SLC9A7: variants seen among roughly 807,000 people sequenced by gnomAD.
SLC9A7 encodes the protein solute carrier family 9 member A7.
A neutral mutation model predicts 52.6 loss-of-function variants in SLC9A7; 19 were observed. The ratio of observed to expected loss-of-function variants is 0.36; its 90% CI spans 0.25 to 0.53. SLC9A7 has a LOEUF of 0.53. Ranked by LOEUF, SLC9A7 falls within the 20% of genes least tolerant of loss-of-function variation. The pLI, the probability that SLC9A7 is intolerant of heterozygous loss-of-function variation, is 0.91. For synonymous variants in SLC9A7, 226 were observed against 252.1 expected (o/e 0.90, Z 0.98); for missense variants, 455 against 597.9 (o/e 0.76, Z 2.49).
rs981900543 is a variant in SLC9A7 at position 46,620,937 on chromosome X, A to C, written c.1823+40T>G. On this transcript the variant is annotated intron_variant, in intron 15 of 16. Transcript: ENST00000616978. ...GACAATTCAACAAGATTTCATCCCC[A>C]ATGTTTCACCGACACAGGGGATGCT... is the stretch of plus-strand genomic sequence containing the variant. 3.0e-6 allele frequency: 3 copies of C among 984,649 alleles called. No individual in the cohort carries two copies. In the Admixed American group the frequency reaches 7.2e-5, roughly 24 times the overall value. The allele number at this position is 984,649 out of a possible 1,213,427, so 81.1% of individuals were successfully genotyped here.
intron 1 of SLC9A7, among the ~76,000 whole-genome samples, chrX:46,720,498 C>G (rs1186499001): frequency 1.8e-5 from 2 of 110,506 alleles, no homozygotes; most frequent in Non-Finnish European, 3.8e-5. Flanking sequence ...AGCCACCAGA[C>G]TAATTTCTCT....
Position 46,651,303 on chromosome X carries a change from G to A in SLC9A7, c.1236+13C>T. The A allele has an allele frequency of 4.2e-6, 5 of 1,202,182 alleles. No individual in the cohort carries two copies. Among genetic ancestry groups the A allele is most frequent in the Non-Finnish European group, 5.6e-6 (5 of 887,543 alleles). ...TTAACAAGCAACTCGTGAGTACCAA[G>A]CCTCTCTCTCACCTGCTTGGTTCGA... On this transcript the variant is annotated intron_variant, in intron 9 of 16. Transcript: ENST00000616978.
rs757008548 is a variant in SLC9A7 at position 46,649,949 on chromosome X, C to T, written c.1351-1152G>A. 3.6e-5 allele frequency among the ~76,000 whole-genome samples: 4 copies of T among 112,161 alleles called. No individual in the cohort carries two copies. The South Asian group carries it at 1.5e-3, about 41-fold the overall frequency. On this transcript the variant is annotated intron_variant, in intron 10 of 16. Coordinates refer to ENST00000616978, the MANE Select transcript of SLC9A7 (RefSeq NM_001257291.2). The stretch of plus-strand genomic sequence containing the variant: ...ATGCTAGGAATACAAATCAAAACAA[C>T]ATGCAAGGTCTTTCTCAAAAAAGAA...
chrX:46,656,619 T>C (rs1476013445), intron 7 of SLC9A7, among the ~76,000 whole-genome samples: 3 of 111,713 alleles, frequency 2.7e-5, no homozygotes, highest in African/African-American at 9.8e-5. Context: ...AGAAAGGGTA[T>C]CAGTGATGGA....
At chrX:46,731,432 T>TATATAAAAAAAAAAAAAAAAAAAAAAAA (rs748259550) in intron 1 of SLC9A7, among the ~76,000 whole-genome samples, 2 of 78,248 alleles carry the variant, frequency 2.6e-5, no homozygotes, top group African/African-American at 4.0e-5. Context: ...TATAAAAAAT[T>TATATAAAAAAAAAAAAAAAAAAAAAAAA]AAAAAAAATT....
At chrX:46,704,492 G>A (rs1944576358) in intron 1 of SLC9A7, among the ~76,000 whole-genome samples, 1 of 111,990 alleles carries the variant, frequency 8.9e-6, no homozygotes, top group African/African-American at 3.2e-5. Context: ...TTGTGTTTTT[G>A]CTGAAATTTC....
Position 46,711,899 on chromosome X carries a change from T to TTCACACATAC in SLC9A7, c.326-29365_326-29364insGTATGTGTGA, listed in dbSNP as rs778950018. ...CCCTTTAACGGCACAGCCTCTAAAT[T>TTCACACATAC]ACACACACACACACACACACACACA... On this transcript the variant is annotated intron_variant, in intron 1 of 16. Transcript: ENST00000616978. 3.7e-3 allele frequency among the ~76,000 whole-genome samples: 334 copies of TTCACACATAC among 91,168 alleles called. 1 individual carries two copies. Among genetic ancestry groups the TTCACACATAC allele is most frequent in the Admixed American group, 0.014 (116 of 8,259 alleles). The allele number at this position is 91,168 out of a possible 115,157, so 79.2% of individuals were successfully genotyped here.
chrX:46,633,120 C>T (rs944544624), intron 13 of SLC9A7, among the ~76,000 whole-genome samples: 2 of 107,465 alleles, frequency 1.9e-5, no homozygotes, highest in African/African-American at 6.8e-5. Context: ...ATGGAAGTTC[C>T]GACCTTCACG....
rs183078945 is a variant in SLC9A7, at chrX:46,618,588, A to G, written c.1823+2389T>C. The stretch of plus-strand genomic sequence containing the variant: ...GCAAAGATTTCTGAAACAGGACATA[A>G]AAAATACTAACTAGGAGATCAATAC... On this transcript the variant is annotated intron_variant, in intron 15 of 16. Transcript: ENST00000616978. Among the ~76,000 whole-genome samples, 4 of 112,261 alleles carry G rather than the reference A, an allele frequency of 3.6e-5. No individual in the cohort carries two copies. The Admixed American group carries it at 3.8e-4, about 11-fold the overall frequency.
chrX:46,667,064 G>C (rs887229552), intron 5 of SLC9A7, among the ~76,000 whole-genome samples: 1 of 112,084 alleles, frequency 8.9e-6, no homozygotes, highest in Non-Finnish European at 1.9e-5. Flanking sequence ...AGAAATCTCT[G>C]CCTGAGTCAG....
intron 15 of SLC9A7, among the ~76,000 whole-genome samples, chrX:46,620,218 C>T (rs1462252775): frequency 4.6e-5 from 5 of 109,762 alleles, no homozygotes; most frequent in African/African-American, 1.7e-4. Context: ...CCCAGGAGTT[C>T]GAGACCAGCC....
chrX:46,609,486 G>A (rs961921562), intron 16 of SLC9A7, among the ~76,000 whole-genome samples: 1 of 112,096 alleles, frequency 8.9e-6, no homozygotes, highest in African/African-American at 3.2e-5. Flanking sequence ...GGATCACGAG[G>A]TCAGGGGTTC....
intron 12 of SLC9A7, among the ~76,000 whole-genome samples, chrX:46,640,734 GAT>G (rs1305435021): frequency 1.8e-5 from 2 of 112,363 alleles, no homozygotes; most frequent in Non-Finnish European, 3.8e-5. Flanking sequence ...GACTTGAACA[GAT>G]ATTTCACCAA....
At chrX:46,676,775 G>A (rs1346402522) in intron 3 of SLC9A7, among the ~76,000 whole-genome samples, 2 of 111,109 alleles carry the variant, frequency 1.8e-5, no homozygotes, top group African/African-American at 6.6e-5. Context: ...ATACAAATTC[G>A]GATGACCCTG....
At chrX:46,757,142 T>G (rs1922727944) in intron 1 of SLC9A7, among the ~76,000 whole-genome samples, 1 of 111,945 alleles carries the variant, frequency 8.9e-6, no homozygotes, top group African/African-American at 3.3e-5. Context: ...GCATCATGGC[T>G]TGGAGTCAAT....
intron 1 of SLC9A7, among the ~76,000 whole-genome samples, chrX:46,693,196 G>A (rs767529585): frequency 8.9e-6 from 1 of 111,980 alleles, no homozygotes; most frequent in East Asian, 2.8e-4. Flanking sequence ...CAGACTTAAT[G>A]CAATTCCTAT....
At chrX:46,725,361 T>C in intron 1 of SLC9A7, 5 of 1,191,384 alleles carry the variant, frequency 4.2e-6, no homozygotes, top group Non-Finnish European at 5.7e-6. Flanking sequence ...TGGTGTGCCA[T>C]AACTGCGACT....
At chrX:46,647,561 A>G (rs1943513441) in intron 11 of SLC9A7, among the ~76,000 whole-genome samples, 1 of 112,524 alleles carries the variant, frequency 8.9e-6, no homozygotes, top group Admixed American at 9.4e-5. Flanking sequence ...TCTTTTGTGC[A>G]ATTCACCAAC....
intron 1 of SLC9A7, among the ~76,000 whole-genome samples, chrX:46,735,737 TTTCACTGGATATAGAA>T (rs1945111689): frequency 9.0e-6 from 1 of 111,571 alleles, no homozygotes; most frequent in Admixed American, 9.6e-5. Context: ...TGAAGGACAT[TTTCACTGGATATAGAA>T]TTCTGGGTTG....
Sources: gnomAD v4.1 joint callset for allele counts (sites outside exome capture counted in the v4.1 genomes callset) on GRCh38, gnomAD v4.1.1 for gene constraint, MANE v1.5 for transcripts, NCBI Gene and HGNC (gene_info 2026-07-23, HGNC 2026-07-21) for gene names.